CSMD1: variants seen among roughly 807,000 people sequenced by gnomAD.
The protein encoded by CSMD1 is CUB and sushi domain-containing protein 1.
A neutral mutation model predicts 417.5 loss-of-function variants in CSMD1; 213 were observed. The observed-to-expected ratio is 0.51, with a 90% CI of 0.46 to 0.57. The LOEUF (loss-of-function observed/expected upper bound fraction) is 0.57. Ranked by LOEUF, CSMD1 falls within the 20% of genes least tolerant of loss-of-function variation. The probability of loss-of-function intolerance (pLI) is 0.00; values close to 1 mark genes in which losing one functional copy is unlikely to be tolerated. For synonymous variants in CSMD1, 2,862 were observed against 1,736.8 expected, an observed-to-expected ratio of 1.65 and a Z score of -16.11; for missense variants, 6,923 against 4,529.7, an observed-to-expected ratio of 1.53 and a Z score of -15.17.
At chr8:4,827,002 C>G (rs1799869513) in intron 1 of CSMD1, among the ~76,000 whole-genome samples, 1 of 152,056 alleles carries the variant, frequency 6.6e-6, no homozygotes, top group African/African-American at 2.4e-5. Context: ...AAATTGCTTG[C>G]CTATCTTCCA....
intron 12 of CSMD1, among the ~76,000 whole-genome samples, chr8:3,412,529 T>C (rs1484549356): frequency 1.3e-5 from 2 of 152,136 alleles, no homozygotes; most frequent in Non-Finnish European, 2.9e-5. Context: ...TGATACATTA[T>C]CACACTAGCA....
intron 2 of CSMD1, among the ~76,000 whole-genome samples, chr8:4,428,821 G>T (rs931180659): frequency 6.6e-6 from 1 of 151,942 alleles, no homozygotes; most frequent in African/African-American, 2.4e-5. Context: ...CCAGGTTGAA[G>T]GATTCTCCTG....
chr8:3,284,676 C>G (rs1288080816), intron 25 of CSMD1: 11 of 275,726 alleles, frequency 4.0e-5, no homozygotes, highest in Non-Finnish European at 6.4e-5. Context: ...GGCACACAAA[C>G]CAAATATAAG....
chr8:3,272,517 T>G (rs1033370210), intron 26 of CSMD1, among the ~76,000 whole-genome samples: 3 of 141,664 alleles, frequency 2.1e-5, no homozygotes, highest in African/African-American at 8.0e-5. Flanking sequence ...TAAATTACTT[T>G]GGGCAGTATG....
At chr8:4,381,419 G>A (rs775508169) in intron 3 of CSMD1, among the ~76,000 whole-genome samples, 9 of 152,238 alleles carry the variant, frequency 5.9e-5, no homozygotes, top group South Asian at 2.1e-4. Context: ...ATTTCCTGAC[G>A]TAAAACCCAT....
At chr8:4,630,234 CCTTTTT>C in intron 2 of CSMD1, among the ~76,000 whole-genome samples, 1 of 151,094 alleles carries the variant, frequency 6.6e-6, no homozygotes, top group Middle Eastern at 3.4e-3. Flanking sequence ...GTCATTTTAT[CCTTTTT>C]CTTAACAAAT....
intron 5 of CSMD1, among the ~76,000 whole-genome samples, chr8:3,886,776 G>C (rs1019792929): frequency 6.6e-6 from 1 of 152,186 alleles, no homozygotes; most frequent in African/African-American, 2.4e-5. Flanking sequence ...CTTAGGGACA[G>C]ATATACTGCC....
intron 2 of CSMD1, among the ~76,000 whole-genome samples, chr8:4,561,482 G>A (rs1585251800): frequency 6.6e-6 from 1 of 152,080 alleles, no homozygotes; most frequent in Non-Finnish European, 1.5e-5. Flanking sequence ...CGGGAGTTCA[G>A]GACCACCCTG....
intron 6 of CSMD1, among the ~76,000 whole-genome samples, chr8:3,720,747 A>C (rs1802114748): frequency 1.3e-5 from 2 of 152,138 alleles, no homozygotes; most frequent in Admixed American, 1.3e-4. Context: ...CATTTTACAG[A>C]GCAAAGCTGT....
chr8:4,094,324 C>A (rs181012572), intron 3 of CSMD1, among the ~76,000 whole-genome samples: 139 of 152,126 alleles, frequency 9.1e-4, no homozygotes, highest in Non-Finnish European at 1.6e-3. Context: ...CTGTAGGAAC[C>A]CAGGCCAGAG....
intron 26 of CSMD1, among the ~76,000 whole-genome samples, chr8:3,242,230 A>G (rs539240039): frequency 4.3e-4 from 65 of 151,840 alleles, no homozygotes; most frequent in African/African-American, 1.5e-3. Flanking sequence ...GGAGGTGATA[A>G]AAGGATTATA....
chr8:3,520,039 T>TATATATATATATACAC (rs545212684), intron 10 of CSMD1, among the ~76,000 whole-genome samples: 2 of 147,182 alleles, frequency 1.4e-5, no homozygotes, highest in Non-Finnish European at 3.0e-5. Flanking sequence ...TATATATATA[T>TATATATATATATACAC]ACACGTATAG....
intron 23 of CSMD1, among the ~76,000 whole-genome samples, chr8:3,323,976 A>C (rs1204668527): frequency 1.6e-5 from 2 of 128,776 alleles, no homozygotes; most frequent in African/African-American, 6.5e-5. Context: ...CCCACCTTTC[A>C]TCATTGTTAA....
At chr8:3,371,979 A>C (rs984238025) in intron 18 of CSMD1, among the ~76,000 whole-genome samples, 1 of 152,232 alleles carries the variant, frequency 6.6e-6, no homozygotes, top group African/African-American at 2.4e-5. Context: ...GGGATGATTA[A>C]TAATAAGAGA....
intron 5 of CSMD1, among the ~76,000 whole-genome samples, chr8:3,837,938 G>T (rs571695281): frequency 1.3e-5 from 2 of 152,114 alleles, no homozygotes; most frequent in African/African-American, 2.4e-5. Context: ...TCAAATAAAT[G>T]TCCTTTAATT....
chr8:3,563,062 C>G (rs78175335), intron 10 of CSMD1, among the ~76,000 whole-genome samples: 8,517 of 151,950 alleles, frequency 0.056, 406 homozygotes, highest in Admixed American at 0.16. Context: ...TGGTCATGAT[C>G]TGGGTGGGAG....
At chr8:3,981,665 C>T (rs896954844) in intron 5 of CSMD1, among the ~76,000 whole-genome samples, 1 of 152,048 alleles carries the variant, frequency 6.6e-6, no homozygotes, top group Non-Finnish European at 1.5e-5. Flanking sequence ...GTCATAGTTT[C>T]CTTCTTTGAC....
At chr8:3,975,661 G>A (rs1211679229) in intron 5 of CSMD1, among the ~76,000 whole-genome samples, 9 of 152,116 alleles carry the variant, frequency 5.9e-5, no homozygotes, top group South Asian at 4.1e-4. Context: ...TAATGGTCCC[G>A]ATTCAGGAAA....
chr8:4,464,158 A>G lies in CSMD1; in HGVS notation c.303-44093T>C, dbSNP rs141701871. On this transcript the variant is annotated intron_variant, in intron 2 of 69. Transcript: ENST00000635120. ...GGCTTATCCCTCCAGCTGGAATTCTACTTCCTCTCTACTTCACTTACAGGA... is the reference window on the plus strand; with the variant it reads ...GGCTTATCCCTCCAGCTGGAATTCTGCTTCCTCTCTACTTCACTTACAGGA... 2.6e-5 allele frequency among the ~76,000 whole-genome samples: 4 copies of G among 152,110 alleles called. 1 individual carries two copies. The highest frequency in any genetic ancestry group is 2.6e-4 in the Admixed American group (4 of 15,270).
Sources: gnomAD v4.1 joint callset for allele counts (sites outside exome capture counted in the v4.1 genomes callset) on GRCh38, gnomAD v4.1.1 for gene constraint, MANE v1.5 for transcripts, NCBI Gene and HGNC (gene_info 2026-07-23, HGNC 2026-07-21) for gene names.